AKR1C8: variants seen among roughly 807,000 people sequenced by gnomAD.
The protein encoded by AKR1C8 is aldo-keto reductase family 1 member C-like protein 1.
chr10:5,127,801 T>G, the AKR1C8 span, among the ~76,000 whole-genome samples: 58,863 of 148,018 alleles, frequency 0.4, 12,318 homozygotes, highest in Non-Finnish European at 0.43. Flanking sequence ...CAGCCAAACC[T>G]AAGAATAACT....
the AKR1C8 span, among the ~76,000 whole-genome samples, chr10:5,123,014 C>T: frequency 2.6e-5 from 4 of 152,260 alleles, no homozygotes; most frequent in South Asian, 4.1e-4. Flanking sequence ...AAGCAGATGT[C>T]GCTAGCACAG....
chr10:5,160,752 C>A, the AKR1C8 span: 1 of 459,922 alleles, frequency 2.2e-6, no homozygotes, highest in Non-Finnish European at 4.5e-6. Context: ...CTTCTGACCC[C>A]TCCTCCTGCA....
the AKR1C8 span, among the ~76,000 whole-genome samples, chr10:5,137,751 G>C: frequency 6.6e-6 from 1 of 152,098 alleles, no homozygotes; most frequent in South Asian, 2.1e-4. Context: ...AATAAAGAGA[G>C]ACAGTATAAA....
the AKR1C8 span, chr10:5,154,352 C>T: frequency 4.0e-6 from 1 of 247,454 alleles, no homozygotes; most frequent in Non-Finnish European, 8.9e-6. Context: ...TTTCTAATAC[C>T]CACACCTGAA....
chr10:5,173,498 A>G, the AKR1C8 span, among the ~76,000 whole-genome samples: 2 of 152,084 alleles, frequency 1.3e-5, no homozygotes, highest in Non-Finnish European at 2.9e-5. Context: ...ATGCAAAGGC[A>G]TGAGAATAAA....
the AKR1C8 span, among the ~76,000 whole-genome samples, chr10:5,139,671 A>C: frequency 2.4e-4 from 36 of 152,318 alleles, no homozygotes; most frequent in East Asian, 6.2e-3. Context: ...TAAAGACTTA[A>C]ATGTTAGACC....
At chr10:5,129,385 A>C in the AKR1C8 span, among the ~76,000 whole-genome samples, 1 of 152,044 alleles carries the variant, frequency 6.6e-6, no homozygotes, top group African/African-American at 2.4e-5. Flanking sequence ...ATAGGAACTA[A>C]CTAAACCCAA....
chr10:5,165,962 T>G, the AKR1C8 span, among the ~76,000 whole-genome samples: 1 of 152,116 alleles, frequency 6.6e-6, no homozygotes, highest in African/African-American at 2.4e-5. Flanking sequence ...CTTGCATCCA[T>G]GGGTGACTCC....
the AKR1C8 span, among the ~76,000 whole-genome samples, chr10:5,149,266 T>G: frequency 1.3e-5 from 2 of 152,132 alleles, no homozygotes; most frequent in African/African-American, 4.8e-5. Flanking sequence ...TGAAACATAC[T>G]TTTTCTCTCC....
At chr10:5,135,187 G>T in the AKR1C8 span, 3 of 225,504 alleles carry the variant, frequency 1.3e-5, no homozygotes, top group South Asian at 2.5e-4. Context: ...GGCATGAAAT[G>T]ACCATCATTT....
At chr10:5,167,512 T>C in the AKR1C8 span, among the ~76,000 whole-genome samples, 1 of 152,180 alleles carries the variant, frequency 6.6e-6, no homozygotes, top group Non-Finnish European at 1.5e-5. Flanking sequence ...GAAACTATCA[T>C]TCTCAGCAAA....
chr10:5,123,314 A>G, the AKR1C8 span: 3 of 260,018 alleles, frequency 1.2e-5, no homozygotes, highest in South Asian at 7.2e-5. Flanking sequence ...GGAGCTCTTG[A>G]CCAGGACCAC....
At chr10:5,122,452 GT>G in the AKR1C8 span, among the ~76,000 whole-genome samples, 1 of 152,082 alleles carries the variant, frequency 6.6e-6, no homozygotes, top group Non-Finnish European at 1.5e-5. Flanking sequence ...GAAATCACTT[GT>G]TTTAAAATGG....
chr10:5,183,824 A>T, the AKR1C8 span, among the ~76,000 whole-genome samples: 1 of 152,216 alleles, frequency 6.6e-6, no homozygotes. Flanking sequence ...CAGATAAAAA[A>T]ACAAGGCCCA....
chr10:5,131,435 T>G, the AKR1C8 span, among the ~76,000 whole-genome samples: 131,262 of 152,108 alleles, frequency 0.86, 56,790 homozygotes, highest in African/African-American at 0.93. Context: ...TACGCTTCCA[T>G]CAAAGGACTA....
the AKR1C8 span, among the ~76,000 whole-genome samples, chr10:5,117,385 T>A: frequency 2.0e-5 from 3 of 152,062 alleles, no homozygotes; most frequent in Admixed American, 2.0e-4. Flanking sequence ...AAGAAACATA[T>A]CCACCCTCAA....
chr10:5,163,996 T>C, the AKR1C8 span, among the ~76,000 whole-genome samples: 1 of 152,188 alleles, frequency 6.6e-6, no homozygotes, highest in Non-Finnish European at 1.5e-5. Flanking sequence ...TGTGGACGTG[T>C]ACACTGTGGG....
the AKR1C8 span, among the ~76,000 whole-genome samples, chr10:5,117,676 G>A: frequency 3.3e-5 from 5 of 152,116 alleles, no homozygotes. Context: ...GCATCTCTTA[G>A]GCCTTTGGTG....
chr10:5,117,900 G>C, the AKR1C8 span, among the ~76,000 whole-genome samples: 2 of 152,170 alleles, frequency 1.3e-5, no homozygotes, highest in African/African-American at 4.8e-5. Context: ...TGACCATAAT[G>C]ACTTCACTAG....
Sources: allele counts gnomAD v4.1 joint callset (sites outside exome capture counted in the v4.1 genomes callset), GRCh38; gene constraint gnomAD v4.1.1; transcripts MANE v1.5; gene names NCBI Gene and HGNC (gene_info 2026-07-23, HGNC 2026-07-21).